UBTD1: variants seen among roughly 807,000 people sequenced by gnomAD.
The protein encoded by UBTD1 is ubiquitin domain containing 1, also known as ubiquitin domain-containing protein 1.
In UBTD1, 19 loss-of-function variants were observed where a neutral mutation model predicts 21.7. The observed-to-expected ratio is 0.87, with a 90% CI of 0.61 to 1.28. UBTD1 has a LOEUF of 1.28. Among genes scored for constraint, UBTD1 ranks in the 50% most tolerant of loss-of-function variants. UBTD1 has a pLI of 0.00. For synonymous variants in UBTD1, 116 were observed against 135.1 expected, an observed-to-expected ratio of 0.86 and a Z score of 0.98; for missense variants, 282 against 315.1, an observed-to-expected ratio of 0.89 and a Z score of 0.80.
chr10:97,499,627 C>T (rs2040327559), intron 1 of UBTD1, among the ~76,000 whole-genome samples: 1 of 152,210 alleles, frequency 6.6e-6, no homozygotes, highest in African/African-American at 2.4e-5. Flanking sequence ...GGACGCCGGC[C>T]CGTCGGGGCA....
chr10:97,568,457 T>C (rs911623213), intron 2 of UBTD1, among the ~76,000 whole-genome samples: 8 of 152,090 alleles, frequency 5.3e-5, no homozygotes, highest in Non-Finnish European at 1.2e-4. Flanking sequence ...TTACTTGCTC[T>C]GTTGGCTAGG....
chr10:97,541,803 C>T (rs372286592), intron 1 of UBTD1, among the ~76,000 whole-genome samples: 2 of 145,724 alleles, frequency 1.4e-5, no homozygotes, highest in African/African-American at 5.2e-5. Flanking sequence ...AGTGCGATCT[C>T]GGCTCACTGC....
At chr10:97,544,363 G>A (rs2040599521) in intron 1 of UBTD1, among the ~76,000 whole-genome samples, 1 of 151,952 alleles carries the variant, frequency 6.6e-6, no homozygotes, top group African/African-American at 2.4e-5. Context: ...GCAGAAAAGT[G>A]TCAGATAACT....
rs1262701639 is a variant in UBTD1, at chr10:97,499,186, A to G, written c.-18A>G. On this transcript the variant is annotated 5_prime_UTR_variant, in exon 1 of 3. Transcript: ENST00000370664. ...ACCCCGCCGCCTCCGGTGCATGGGG[A>G]CTGGCTGAGGAGCCAGCATGGGCAA... 4 of 1,532,450 alleles carry G rather than the reference A, an allele frequency of 2.6e-6. No homozygotes were observed. Among genetic ancestry groups the G allele is most frequent in the Non-Finnish European group, 3.5e-6 (4 of 1,138,928 alleles). 94.9% of individuals were successfully genotyped at this position (1,532,450 alleles called of 1,614,324 possible).
chr10:97,538,504 A>G (rs989942448), intron 1 of UBTD1, among the ~76,000 whole-genome samples: 3 of 152,232 alleles, frequency 2.0e-5, no homozygotes, highest in Admixed American at 2.0e-4. Context: ...TGAGAAAACT[A>G]AGAGGGATCC....
chr10:97,519,657 G>C (rs924257184), intron 1 of UBTD1, among the ~76,000 whole-genome samples: 3 of 152,006 alleles, frequency 2.0e-5, no homozygotes, highest in Non-Finnish European at 4.4e-5. Flanking sequence ...TTTTAGCTTT[G>C]GAAAAATATA....
intron 1 of UBTD1, among the ~76,000 whole-genome samples, chr10:97,500,930 C>T (rs999035741): frequency 3.9e-5 from 6 of 152,206 alleles, no homozygotes; most frequent in African/African-American, 1.2e-4. Context: ...CCTCCAAAAC[C>T]AGGCTCTGCA....
chr10:97,500,891 CTG>C (rs2040373501), intron 1 of UBTD1, among the ~76,000 whole-genome samples: 3 of 152,258 alleles, frequency 2.0e-5, no homozygotes, highest in Non-Finnish European at 4.4e-5. Flanking sequence ...CCACTGGACA[CTG>C]TGATATAGAT....
chr10:97,540,134 G>C (rs2040581017), intron 1 of UBTD1, among the ~76,000 whole-genome samples: 1 of 152,198 alleles, frequency 6.6e-6, no homozygotes, highest in African/African-American at 2.4e-5. Context: ...TCCTATAGAG[G>C]GAGCAAGGAG....
At chr10:97,541,699 A>G (rs1295262682) in intron 1 of UBTD1, among the ~76,000 whole-genome samples, 1 of 144,052 alleles carries the variant, frequency 6.9e-6, no homozygotes, top group Non-Finnish European at 1.5e-5. Flanking sequence ...GAGGGGGTGG[A>G]GTTGGGAGTT....
rs141608116 is a variant in UBTD1, at chr10:97,545,387, C to CGTGTGGGTGT, written c.71-22522_71-22521insGGTGTGTGTG. Reference sequence around the variant, plus strand: ...TCTATTCTCTGGTAAGTATGGGGCTCGTGTGTGTGTGTGTGTGTGTGTGGG... The same window carrying CGTGTGGGTGT: ...TCTATTCTCTGGTAAGTATGGGGCTCGTGTGGGTGTGTGTGTGTGTGTGTGTGTGTGTGGG... On this transcript the variant is annotated intron_variant, in intron 1 of 2. Coordinates refer to ENST00000370664, the MANE Select transcript of UBTD1 (RefSeq NM_024954.5). 5.5e-3 allele frequency among the ~76,000 whole-genome samples: 659 copies of CGTGTGGGTGT among 120,704 alleles called. 4 individuals carry two copies. The highest frequency in any genetic ancestry group is 6.3e-3 in the Non-Finnish European group (392 of 62,018). The allele number at this position is 120,704 out of a possible 152,430, so 79.2% of individuals were successfully genotyped here.
At chr10:97,569,454 A>G (rs891816474) in intron 2 of UBTD1, among the ~76,000 whole-genome samples, 1 of 152,262 alleles carries the variant, frequency 6.6e-6, no homozygotes, top group African/African-American at 2.4e-5. Context: ...TGAACAAGCC[A>G]GTACCTGGTG....
intron 1 of UBTD1, among the ~76,000 whole-genome samples, chr10:97,505,428 C>A (rs2040394216): frequency 6.6e-6 from 1 of 152,204 alleles, no homozygotes; most frequent in Admixed American, 6.5e-5. Context: ...CTGCCACTTT[C>A]TTGAGTGGTA....
rs561574209 is a variant in UBTD1, at chr10:97,543,126, C to T, written c.71-24788C>T. Among the ~76,000 whole-genome samples, 153 of 152,380 alleles carry T rather than the reference C, an allele frequency of 1.0e-3. 1 individual carries two copies. The highest frequency in any genetic ancestry group is 1.6e-3 in the Non-Finnish European group (107 of 68,044). On this transcript the variant is annotated intron_variant, in intron 1 of 2. Transcript: ENST00000370664. ...CAGTGAAGTTGCAAGCACAGCACAACACCCAGGGAACAGTCATGCTAGAGT... is the reference window on the plus strand; with the variant it reads ...CAGTGAAGTTGCAAGCACAGCACAATACCCAGGGAACAGTCATGCTAGAGT...
intron 2 of UBTD1, among the ~76,000 whole-genome samples, chr10:97,568,424 AT>A (rs904902601): frequency 1.1e-4 from 16 of 147,930 alleles, no homozygotes; most frequent in African/African-American, 7.4e-5. Context: ...TTTTTATTTT[AT>A]TTTTTTTTTT....
chr10:97,522,002 G>T lies in UBTD1; in HGVS notation c.70+22729G>T, dbSNP rs527718032. Among the ~76,000 whole-genome samples, 12 of 152,332 alleles carry T rather than the reference G, an allele frequency of 7.9e-5. 1 individual carries two copies. The South Asian group carries it at 2.5e-3, about 32-fold the overall frequency. On this transcript the variant is annotated intron_variant, in intron 1 of 2. Transcript: ENST00000370664. ...CTTTGGATACAGAGAGGTGTGAGGT[G>T]GTCCCACAGTGCCTGCCACAACATC...
intron 1 of UBTD1, among the ~76,000 whole-genome samples, chr10:97,524,796 G>A (rs762363774): frequency 8.5e-5 from 13 of 152,192 alleles, no homozygotes; most frequent in Non-Finnish European, 1.3e-4. Flanking sequence ...ATTGTTGTTT[G>A]CATGGTTGAA....
chr10:97,545,432 GT>G (rs1419631340), intron 1 of UBTD1, among the ~76,000 whole-genome samples: 420 of 2,648 alleles, frequency 0.16, 1 homozygote, highest in African/African-American at 0.24. Flanking sequence ...GTGTGTGTGG[GT>G]GTGTGTGTGT....
intron 1 of UBTD1, among the ~76,000 whole-genome samples, chr10:97,567,150 A>G (rs2040720911): frequency 6.6e-6 from 1 of 151,804 alleles, no homozygotes; most frequent in South Asian, 2.1e-4. Context: ...AGCTCACTGC[A>G]GCCTCAACCT....
Sources: allele counts gnomAD v4.1 joint callset (sites outside exome capture counted in the v4.1 genomes callset), GRCh38; gene constraint gnomAD v4.1.1; transcripts MANE v1.5; gene names NCBI Gene and HGNC (gene_info 2026-07-23, HGNC 2026-07-21).